Variants in FGF14 observed in about 807,000 individuals in gnomAD.
FGF14 encodes the protein fibroblast growth factor 14, also known as fibroblast growth factor homologous factor 4.
In FGF14, 5 loss-of-function variants were observed where a neutral mutation model predicts 25.5. The ratio of observed to expected loss-of-function variants is 0.20; its 90% CI spans 0.10 to 0.41. FGF14 has a LOEUF of 0.41. FGF14 is among the 10% of genes least tolerant of loss of function. The pLI, the probability that FGF14 is intolerant of heterozygous loss-of-function variation, is 1.00. For missense variants in FGF14, 222 were observed against 320.1 expected (o/e 0.69, Z 2.34); for synonymous variants, 138 against 118.3 (o/e 1.17, Z -1.08).
At chr13:102,006,340 G>T (rs1004158597) in intron 1 of FGF14, among the ~76,000 whole-genome samples, 1 of 152,138 alleles carries the variant, frequency 6.6e-6, no homozygotes, top group African/African-American at 2.4e-5. Flanking sequence ...ATGAAGAACA[G>T]CAGGTGTTAC....
chr13:102,344,342 A>G (rs1157267824), intron 1 of FGF14, among the ~76,000 whole-genome samples: 1 of 152,214 alleles, frequency 6.6e-6, no homozygotes, highest in Non-Finnish European at 1.5e-5. Flanking sequence ...AACCCTACAA[A>G]ACCTATTAGC....
chr13:102,094,589 C>G (rs1047232405), intron 1 of FGF14, among the ~76,000 whole-genome samples: 3 of 152,102 alleles, frequency 2.0e-5, no homozygotes, highest in African/African-American at 7.2e-5. Context: ...ATAGGTTACC[C>G]CTACTGTTTT....
chr13:101,750,228 A>G (rs77265658), intron 3 of FGF14, among the ~76,000 whole-genome samples: 2 of 152,258 alleles, frequency 1.3e-5, no homozygotes, highest in African/African-American at 4.8e-5. Context: ...CAGAGCACAA[A>G]TAAGATACAG....
chr13:102,380,230 TGACA>T (rs2058150442), intron 1 of FGF14, among the ~76,000 whole-genome samples: 1 of 150,416 alleles, frequency 6.6e-6, no homozygotes, highest in South Asian at 2.1e-4. Flanking sequence ...TCCATGGAAC[TGACA>T]TACATGGAAC....
In FGF14 at chr13:101,717,162, T is replaced by C. The variant is rs1275324300; in HGVS notation, c.*5669A>G. The C allele has an allele frequency of 1.3e-5, 2 of 152,132 alleles. No homozygotes were observed. Among genetic ancestry groups the C allele is most frequent in the Non-Finnish European group, 2.9e-5 (2 of 67,994 alleles). The allele number at this position is 152,132 out of a possible 1,614,324, so 9.4% of individuals were successfully genotyped here. On this transcript the variant is annotated 3_prime_UTR_variant, in exon 5 of 5. Transcript: ENST00000376143. ...TATTCTAGTCATGGCTTAAACTTTATAAGTCAAATTTCCAAAAATAAGGAA... is the reference window on the plus strand; with the variant it reads ...TATTCTAGTCATGGCTTAAACTTTACAAGTCAAATTTCCAAAAATAAGGAA...
intron 1 of FGF14, among the ~76,000 whole-genome samples, chr13:102,167,453 G>A (rs2048064936): frequency 6.6e-6 from 1 of 151,694 alleles, no homozygotes; most frequent in East Asian, 1.9e-4. Context: ...AGCCACCTCT[G>A]CCTGGATTTT....
intron 1 of FGF14, among the ~76,000 whole-genome samples, chr13:101,993,379 A>G (rs1437931833): frequency 6.6e-6 from 1 of 152,072 alleles, no homozygotes; most frequent in Non-Finnish European, 1.5e-5. Context: ...GGAAAACAAT[A>G]TTGGAGAGAA....
intron 1 of FGF14, among the ~76,000 whole-genome samples, chr13:102,090,540 C>A (rs2044118872): frequency 6.6e-6 from 1 of 152,098 alleles, no homozygotes; most frequent in Non-Finnish European, 1.5e-5. Context: ...CACTGGTAAC[C>A]ATTGTGTTTA....
rs1307621285 is a variant in FGF14, at chr13:101,715,916, C to A, written c.*6915G>T. The A allele has an allele frequency of 2.7e-6, 1 of 374,298 alleles. No homozygotes were observed. Among genetic ancestry groups the A allele is most frequent in the Non-Finnish European group, 5.0e-6 (1 of 201,388 alleles). 23.2% of individuals were successfully genotyped at this position (374,298 alleles called of 1,614,324 possible). A position where few individuals can be genotyped will look rare whatever the true frequency, so the allele number is the denominator to read the frequency against. On this transcript the variant is annotated 3_prime_UTR_variant, in exon 5 of 5. Transcript: ENST00000376143. ...GAGAGCAATTTTTCCACCCAAAAGT[C>A]ATTTGGCAACATCTACAGACAATTT...
chr13:102,003,713 A>G (rs765512062), intron 1 of FGF14, among the ~76,000 whole-genome samples: 1 of 151,582 alleles, frequency 6.6e-6, no homozygotes, highest in Non-Finnish European at 1.5e-5. Flanking sequence ...TACATAGAAA[A>G]TGCACATAAT....
chr13:102,387,763 C>T (rs1024973374), intron 1 of FGF14, among the ~76,000 whole-genome samples: 5 of 151,672 alleles, frequency 3.3e-5, no homozygotes, highest in South Asian at 2.1e-4. Flanking sequence ...GATGGACTCT[C>T]GCTCTGTCGC....
intron 3 of FGF14, among the ~76,000 whole-genome samples, chr13:101,735,730 G>A (rs1361396422): frequency 2.0e-5 from 3 of 151,804 alleles, no homozygotes; most frequent in Non-Finnish European, 2.9e-5. Context: ...AGAATGGGAT[G>A]AGGGTGTCAT....
At chr13:101,772,498 A>C (rs1479397077) in intron 3 of FGF14, among the ~76,000 whole-genome samples, 2 of 152,040 alleles carry the variant, frequency 1.3e-5, no homozygotes, top group East Asian at 1.9e-4. Flanking sequence ...CTTTTCTCTC[A>C]GGCTAGAAAA....
At position 102,289,467 on chromosome 13, in the gene FGF14, T is replaced by C. The variant is rs181461895; in HGVS notation, c.208+112004A>G. On this transcript the variant is annotated intron_variant, in intron 1 of 4. Transcript: ENST00000376131. ...ACTACTCAAGTTGGACATTATAACA[T>C]GAAAAACATCATAGGCAATATGTAA... Among the ~76,000 whole-genome samples, 42 of 152,302 alleles carry C rather than the reference T, an allele frequency of 2.8e-4. 1 individual carries two copies. Among genetic ancestry groups the C allele is most frequent in the Admixed American group, 2.4e-3 (37 of 15,294 alleles).
chr13:101,947,162 T>C (rs1395306667), intron 1 of FGF14, among the ~76,000 whole-genome samples: 1 of 152,172 alleles, frequency 6.6e-6, no homozygotes, highest in African/African-American at 2.4e-5. Flanking sequence ...TCAGAACTAT[T>C]ATTAAAAAGT....
At chr13:101,740,630 T>C (rs2036486635) in intron 3 of FGF14, among the ~76,000 whole-genome samples, 2 of 152,126 alleles carry the variant, frequency 1.3e-5, no homozygotes, top group Admixed American at 6.5e-5. Flanking sequence ...TTGGTGCTTC[T>C]GAAAGGTCAA....
chr13:102,250,675 C>T (rs917962464), intron 1 of FGF14, among the ~76,000 whole-genome samples: 1 of 152,030 alleles, frequency 6.6e-6, no homozygotes, highest in Non-Finnish European at 1.5e-5. Flanking sequence ...CTGGTATTTC[C>T]CAAATTTATT....
At chr13:101,866,920 A>T (rs772068159) in intron 3 of FGF14, among the ~76,000 whole-genome samples, 4 of 152,168 alleles carry the variant, frequency 2.6e-5, no homozygotes, top group Non-Finnish European at 4.4e-5. Flanking sequence ...CAGAACAAAG[A>T]GTCAAGGATG....
intron 1 of FGF14, among the ~76,000 whole-genome samples, chr13:102,076,148 G>A (rs2043353163): frequency 6.6e-6 from 1 of 152,146 alleles, no homozygotes; most frequent in African/African-American, 2.4e-5. Flanking sequence ...GAAGTCTACA[G>A]TAGTATGTCC....
Sources: gnomAD v4.1 joint callset for allele counts (sites outside exome capture counted in the v4.1 genomes callset) on GRCh38, gnomAD v4.1.1 for gene constraint, MANE v1.5 for transcripts, NCBI Gene and HGNC (gene_info 2026-07-23, HGNC 2026-07-21) for gene names.